The following RBM19 variants were observed in gnomAD, a reference collection of about 807,000 sequenced individuals.
RBM19 encodes the protein probable RNA-binding protein 19.
In RBM19, 94 loss-of-function variants were observed where a neutral mutation model predicts 116.8. The ratio of observed to expected loss-of-function variants is 0.80; its 90% confidence interval spans 0.68 to 0.95. RBM19 has a LOEUF of 0.95. RBM19 is among the 40% of genes least tolerant of loss of function. The pLI is 0.00. For missense variants in RBM19, 1,161 were observed against 1,220.7 expected, an observed-to-expected ratio of 0.95 and a Z score of 0.73; for synonymous variants, 475 against 494.1, an observed-to-expected ratio of 0.96 and a Z score of 0.51.
intron 21 of RBM19, among the ~76,000 whole-genome samples, chr12:113,911,434 C>T (rs934200110): frequency 1.3e-5 from 2 of 152,288 alleles, no homozygotes; most frequent in Admixed American, 1.3e-4. Flanking sequence ...CTGCCCAGGA[C>T]CTTCAAGGCT....
chr12:113,933,293 T>C (rs1204289324), intron 16 of RBM19, among the ~76,000 whole-genome samples: 1 of 143,848 alleles, frequency 7.0e-6, no homozygotes, highest in African/African-American at 2.6e-5. Flanking sequence ...CTCGTTGTCC[T>C]CGTACAACGG....
chr12:113,882,102 G>A (rs1880179571), intron 21 of RBM19, among the ~76,000 whole-genome samples: 1 of 152,244 alleles, frequency 6.6e-6, no homozygotes, highest in Non-Finnish European at 1.5e-5. Flanking sequence ...CAGCTCATGT[G>A]CTCTCCCCTC....
At chr12:113,875,091 G>A (rs1215682796) in intron 21 of RBM19, among the ~76,000 whole-genome samples, 4 of 152,250 alleles carry the variant, frequency 2.6e-5, no homozygotes, top group Admixed American at 6.5e-5. Context: ...GCGAAGCCAC[G>A]GTGCGGACCG....
chr12:113,856,765 C>T (rs1559836), intron 22 of RBM19, among the ~76,000 whole-genome samples: 21,987 of 152,204 alleles, frequency 0.14, 2,139 homozygotes, highest in East Asian at 0.36. Flanking sequence ...CCACCAATGC[C>T]TTCCGCCTCC....
chr12:113,895,055 T>C (rs949376329), intron 21 of RBM19, among the ~76,000 whole-genome samples: 2 of 152,244 alleles, frequency 1.3e-5, no homozygotes, highest in Admixed American at 1.3e-4. Flanking sequence ...CTGTGCAGCA[T>C]GCACAGTGAT....
chr12:113,864,000 G>C (rs1878617147), intron 21 of RBM19, among the ~76,000 whole-genome samples: 1 of 152,070 alleles, frequency 6.6e-6, no homozygotes. Context: ...AGGCCCATGT[G>C]AGCTGAGCAA....
At chr12:113,848,054 G>C (rs1243244744) in intron 22 of RBM19, among the ~76,000 whole-genome samples, 3 of 152,188 alleles carry the variant, frequency 2.0e-5, no homozygotes, top group Admixed American at 2.0e-4. Flanking sequence ...GTGATCTCAG[G>C]CAAGCTGCTG....
At chr12:113,827,710 A>C (rs1338454272) in intron 23 of RBM19, among the ~76,000 whole-genome samples, 1 of 151,990 alleles carries the variant, frequency 6.6e-6, no homozygotes, top group African/African-American at 2.4e-5. Flanking sequence ...TGGGCCAGGA[A>C]GCCCAGGGCT....
At chr12:113,857,869 C>A (rs533039615) in intron 22 of RBM19, among the ~76,000 whole-genome samples, 24 of 152,322 alleles carry the variant, frequency 1.6e-4, no homozygotes, top group African/African-American at 5.8e-4. Flanking sequence ...GGCTGTGACT[C>A]CAGGAAATGT....
intron 23 of RBM19, among the ~76,000 whole-genome samples, chr12:113,828,503 T>G (rs1875077451): frequency 2.9e-5 from 4 of 139,334 alleles, no homozygotes; most frequent in South Asian, 4.7e-4. Context: ...GAGGCCGGGG[T>G]GAAGGGCAGG....
chr12:113,854,644 C>T (rs933664620), intron 22 of RBM19, among the ~76,000 whole-genome samples: 1 of 152,210 alleles, frequency 6.6e-6, no homozygotes, highest in African/African-American at 2.4e-5. Flanking sequence ...AATATGCCAG[C>T]TCATCGATCC....
At chr12:113,914,742 G>T (rs946456279) in intron 21 of RBM19, among the ~76,000 whole-genome samples, 2 of 152,226 alleles carry the variant, frequency 1.3e-5, no homozygotes, top group African/African-American at 4.8e-5. Context: ...CATCTGCCTC[G>T]GAGAGGGGGA....
intron 15 of RBM19, 66 bp downstream of exon 15, chr12:113,939,894 C>T (rs767393744): frequency 4.1e-5 from 64 of 1,546,488 alleles, no homozygotes; most frequent in Non-Finnish European, 5.6e-5. Context: ...CCCACTGCAC[C>T]CTCTCCCTTG....
chr12:113,859,186 C>T (rs1043789376), intron 21 of RBM19, among the ~76,000 whole-genome samples: 1 of 152,228 alleles, frequency 6.6e-6, no homozygotes, highest in Non-Finnish European at 1.5e-5. Flanking sequence ...GGCCCCACTT[C>T]CCTGTGGGGT....
At position 113,957,802 on chromosome 12, in the gene RBM19, G is replaced by T. The variant is rs777916364; in HGVS notation, c.820C>A (p.Pro274Thr). 3.7e-6 allele frequency: 6 copies of T among 1,601,528 alleles called. No individual in the cohort carries two copies. Among genetic ancestry groups the T allele is most frequent in the Non-Finnish European group, 5.1e-6 (6 of 1,172,628 alleles). The change falls in exon 6 of 24, where the codon CCA becomes ACA. Residue 274 changes from proline (P) to threonine (T), a missense_variant. Physicochemically the swap from Pro to Thr is conservative, Grantham distance 38 (BLOSUM62 -1). Coordinates refer to ENST00000261741, the MANE Select transcript of RBM19 (RefSeq NM_016196.4). ...EQGMPAGKKR[P>T]PEARAETEKP... ...CGCACCTCGGCTCTGGCCTCCGGTG[G>T]TCTCTTTTTCCCAGCTGGCATCCCT...
intron 21 of RBM19, among the ~76,000 whole-genome samples, chr12:113,881,659 C>T (rs1880142315): frequency 6.6e-6 from 1 of 152,144 alleles, no homozygotes; most frequent in African/African-American, 2.4e-5. Flanking sequence ...TCATGGAAGA[C>T]GAAACTACGG....
At chr12:113,856,867 A>C (rs1877950060) in intron 22 of RBM19, among the ~76,000 whole-genome samples, 1 of 152,208 alleles carries the variant, frequency 6.6e-6, no homozygotes, top group African/African-American at 2.4e-5. Context: ...GAAAATATGG[A>C]AAACCCTGTG....
chr12:113,950,295 G>A, intron 8 of RBM19, 141 bp from the exon 9 acceptor site: 1 of 664,382 alleles, frequency 1.5e-6, no homozygotes, highest in South Asian at 1.9e-5. Context: ...AAATACAAAG[G>A]GTCTCCCTCT....
intron 14 of RBM19, among the ~76,000 whole-genome samples, chr12:113,941,863 T>C (rs984192776): frequency 7.9e-5 from 12 of 152,198 alleles, no homozygotes; most frequent in African/African-American, 2.9e-4. Context: ...AGCGTTGGTA[T>C]CCCAGATTGT....
Sources: gnomAD v4.1 joint callset for allele counts (sites outside exome capture counted in the v4.1 genomes callset) on GRCh38, gnomAD v4.1.1 for gene constraint, MANE v1.5 for transcripts, NCBI Gene and HGNC (gene_info 2026-07-23, HGNC 2026-07-21) for gene names.